MARCHF1: variants seen among roughly 807,000 people sequenced by gnomAD.
MARCHF1 encodes the protein E3 ubiquitin-protein ligase MARCHF1.
MARCHF1 carries 40 observed loss-of-function variants against 54.2 expected under a neutral mutation model. The observed-to-expected ratio is 0.74, with a 90% CI of 0.57 to 0.96. The LOEUF (loss-of-function observed/expected upper bound fraction) is 0.96, where lower values mean the gene tolerates loss of function less well. Ranked by LOEUF, MARCHF1 falls within the 40% of genes least tolerant of loss-of-function variation. MARCHF1 has a pLI of 0.00. For missense variants in MARCHF1, 586 were observed against 656.5 expected, an observed-to-expected ratio of 0.89 and a Z score of 1.17; for synonymous variants, 236 against 236.3, an observed-to-expected ratio of 1.00 and a Z score of 0.01.
At chr4:163,816,785 A>G (rs1178015340) in intron 4 of MARCHF1, among the ~76,000 whole-genome samples, 1 of 152,056 alleles carries the variant, frequency 6.6e-6, no homozygotes, top group African/African-American at 2.4e-5. Context: ...ACACTGCACT[A>G]CCTCCATAAA....
At chr4:163,896,995 T>C (rs987414630) in intron 3 of MARCHF1, among the ~76,000 whole-genome samples, 5 of 152,206 alleles carry the variant, frequency 3.3e-5, no homozygotes, top group African/African-American at 1.2e-4. Context: ...AGCTCTTATC[T>C]CATTGCTCAT....
At chr4:164,004,764 C>G (rs1236057864) in intron 2 of MARCHF1, among the ~76,000 whole-genome samples, 12 of 151,712 alleles carry the variant, frequency 7.9e-5, no homozygotes, top group Admixed American at 7.9e-4. Flanking sequence ...GAGAAGAAAT[C>G]TCAAAGACAA....
intron 2 of MARCHF1, among the ~76,000 whole-genome samples, chr4:164,100,902 C>A (rs571914220): frequency 6.6e-6 from 1 of 152,096 alleles, no homozygotes; most frequent in South Asian, 2.1e-4. Flanking sequence ...TCAGTGGGTG[C>A]GCGCACAGTG....
chr4:163,829,335 A>G (rs1748949740), intron 4 of MARCHF1, among the ~76,000 whole-genome samples: 1 of 152,132 alleles, frequency 6.6e-6, no homozygotes, highest in Non-Finnish European at 1.5e-5. Flanking sequence ...CCATATAGAG[A>G]CACAGAAAGA....
At chr4:163,545,525 A>T in intron 9 of MARCHF1, 71 bp downstream of exon 9, 3 of 1,484,042 alleles carry the variant, frequency 2.0e-6, no homozygotes, top group Non-Finnish European at 2.7e-6. Flanking sequence ...ACCTGGGGAA[A>T]TAACTTCCCT....
At chr4:163,718,987 A>G (rs751861523) in intron 4 of MARCHF1, among the ~76,000 whole-genome samples, 7 of 152,168 alleles carry the variant, frequency 4.6e-5, no homozygotes, top group Non-Finnish European at 8.8e-5. Flanking sequence ...GTCCAACTCT[A>G]TAAATTACTA....
chr4:163,986,985 A>G (rs1050099860), intron 3 of MARCHF1, among the ~76,000 whole-genome samples: 19 of 152,320 alleles, frequency 1.2e-4, no homozygotes, highest in African/African-American at 4.6e-4. Context: ...TTTCTTCAAC[A>G]TTATCTTAAA....
At chr4:163,996,539 T>C (rs1467801269) in intron 2 of MARCHF1, among the ~76,000 whole-genome samples, 1 of 152,064 alleles carries the variant, frequency 6.6e-6, no homozygotes, top group Non-Finnish European at 1.5e-5. Flanking sequence ...TAGTTGACTA[T>C]ATAAATATTG....
chr4:164,195,517 G>A (rs1731231418), intron 1 of MARCHF1, among the ~76,000 whole-genome samples: 1 of 152,100 alleles, frequency 6.6e-6, no homozygotes, highest in South Asian at 2.1e-4. Flanking sequence ...AATGAAAATA[G>A]AAAGTTATTC....
At chr4:163,735,456 G>A (rs1219806782) in intron 4 of MARCHF1, among the ~76,000 whole-genome samples, 1 of 152,140 alleles carries the variant, frequency 6.6e-6, no homozygotes, top group Non-Finnish European at 1.5e-5. Flanking sequence ...TAGTTGGTTT[G>A]TGTTGCTATA....
At chr4:164,205,118 T>C (rs762285048) in intron 1 of MARCHF1, among the ~76,000 whole-genome samples, 11 of 152,304 alleles carry the variant, frequency 7.2e-5, no homozygotes, top group Admixed American at 5.9e-4. Flanking sequence ...TTTAATCCTA[T>C]ATAAACACTT....
intron 1 of MARCHF1, among the ~76,000 whole-genome samples, chr4:164,276,113 C>G (rs1733874808): frequency 6.6e-6 from 1 of 152,090 alleles, no homozygotes; most frequent in Non-Finnish European, 1.5e-5. Context: ...TTTTCCTCCT[C>G]CATTTCTTGT....
At chr4:163,925,632 A>G (rs1314082058) in intron 3 of MARCHF1, among the ~76,000 whole-genome samples, 1 of 151,830 alleles carries the variant, frequency 6.6e-6, no homozygotes, top group Admixed American at 6.6e-5. Flanking sequence ...ACTAAGAAAC[A>G]TCTAATAATT....
At position 164,179,832 on chromosome 4, in the gene MARCHF1, T is replaced by C. The variant is rs116244487; in HGVS notation, c.-322-68170A>G. Among the ~76,000 whole-genome samples, 641 of 151,776 alleles carry C rather than the reference T, an allele frequency of 4.2e-3. 5 individuals carry two copies. Among genetic ancestry groups the C allele is most frequent in the African/African-American group, 0.015 (615 of 41,354 alleles). On this transcript the variant is annotated intron_variant, in intron 1 of 9. Transcript: ENST00000514618. ...GATGATCTATAACCTACAGTAATAA[T>C]AAGCAAGTCAGGAAAAATACTGAGA...
At chr4:164,193,726 G>T (rs984147134) in intron 1 of MARCHF1, among the ~76,000 whole-genome samples, 4 of 151,882 alleles carry the variant, frequency 2.6e-5, no homozygotes, top group African/African-American at 9.7e-5. Flanking sequence ...AAAATGAGTG[G>T]GTAAATGAAC....
At chr4:163,640,557 C>T (rs1742516759) in intron 5 of MARCHF1, among the ~76,000 whole-genome samples, 1 of 152,118 alleles carries the variant, frequency 6.6e-6, no homozygotes, top group South Asian at 2.1e-4. Flanking sequence ...CTACTATGGA[C>T]CATAGCCATG....
chr4:164,080,170 T>A (rs1755065985), intron 2 of MARCHF1, among the ~76,000 whole-genome samples: 1 of 152,110 alleles, frequency 6.6e-6, no homozygotes. Flanking sequence ...GAACAACAGA[T>A]CCTGAGATCA....
intron 5 of MARCHF1, among the ~76,000 whole-genome samples, chr4:163,659,387 T>C (rs1449834721): frequency 6.6e-6 from 1 of 152,044 alleles, no homozygotes; most frequent in Non-Finnish European, 1.5e-5. Flanking sequence ...CCTTACACCT[T>C]ATACAAAAAT....
chr4:164,176,194 A>C (rs1730658791), intron 1 of MARCHF1, among the ~76,000 whole-genome samples: 2 of 152,188 alleles, frequency 1.3e-5, no homozygotes. Context: ...ACAGTTACTA[A>C]GGCAAGCCTG....
Sources: gnomAD v4.1 joint callset for allele counts (sites outside exome capture counted in the v4.1 genomes callset) on GRCh38, gnomAD v4.1.1 for gene constraint, MANE v1.5 for transcripts, NCBI Gene and HGNC (gene_info 2026-07-23, HGNC 2026-07-21) for gene names.